SLC44A5: variants seen among roughly 807,000 people sequenced by gnomAD.
SLC44A5 encodes the protein choline transporter-like protein 5.
In SLC44A5, 57 loss-of-function variants were observed where a neutral mutation model predicts 101.8. The observed-to-expected ratio is 0.56, with a 90% confidence interval of 0.45 to 0.70. The LOEUF is 0.70. SLC44A5 is among the 30% of genes least tolerant of loss of function. SLC44A5 has a pLI of 0.00. For missense variants in SLC44A5, 737 were observed against 853.1 expected (o/e 0.86, Z 1.70); for synonymous variants, 281 against 290.9 (o/e 0.97, Z 0.35).
the SLC44A5 span, among the ~76,000 whole-genome samples, chr1:75,701,608 G>A: frequency 5.9e-5 from 9 of 152,310 alleles, no homozygotes; most frequent in African/African-American, 2.2e-4. Context: ...AGACAGGGAT[G>A]TCCTCTCTCA....
chr1:75,687,161 T>G, the SLC44A5 span, among the ~76,000 whole-genome samples: 1 of 152,116 alleles, frequency 6.6e-6, no homozygotes, highest in Non-Finnish European at 1.5e-5. Flanking sequence ...GTGCTAAATT[T>G]GACCTAGGTT....
At chr1:75,599,210 A>G (rs1674827397) in intron 1 of SLC44A5, among the ~76,000 whole-genome samples, 1 of 152,204 alleles carries the variant, frequency 6.6e-6, no homozygotes, top group Admixed American at 6.6e-5. Flanking sequence ...CATTGCTCAC[A>G]GCCTAGTAAT....
chr1:75,232,819 C>G (rs1022393194), intron 12 of SLC44A5, among the ~76,000 whole-genome samples: 1 of 152,106 alleles, frequency 6.6e-6, no homozygotes, highest in Non-Finnish European at 1.5e-5. Context: ...AACAAACTTC[C>G]AAAGTTACCC....
chr1:75,378,545 GA>G (rs1660766758), intron 3 of SLC44A5, among the ~76,000 whole-genome samples: 1 of 82,766 alleles, frequency 1.2e-5, no homozygotes, highest in Admixed American at 1.2e-4. Context: ...AGATTGTAAT[GA>G]AAAGACAAGG....
At chr1:75,623,777 A>G in the SLC44A5 span, among the ~76,000 whole-genome samples, 1 of 152,128 alleles carries the variant, frequency 6.6e-6, no homozygotes, top group Non-Finnish European at 1.5e-5. Context: ...AGCCCTATAA[A>G]CTAATGATAT....
chr1:75,424,862 G>A (rs929304440), intron 2 of SLC44A5, among the ~76,000 whole-genome samples: 14 of 152,062 alleles, frequency 9.2e-5, no homozygotes. Context: ...AGAATTTAGT[G>A]AGCCAACTGT....
intron 2 of SLC44A5, among the ~76,000 whole-genome samples, chr1:75,492,251 T>C (rs1668463785): frequency 6.6e-6 from 1 of 152,224 alleles, no homozygotes; most frequent in Non-Finnish European, 1.5e-5. Flanking sequence ...GGTCATTCTC[T>C]AGACTTTGTG....
At chr1:75,689,297 G>C in the SLC44A5 span, among the ~76,000 whole-genome samples, 1 of 144,058 alleles carries the variant, frequency 6.9e-6, no homozygotes, top group Non-Finnish European at 1.5e-5. Context: ...CTGGGAGAAA[G>C]GGGGTATCAG....
At chr1:75,442,583 C>A (rs1373189671) in intron 2 of SLC44A5, among the ~76,000 whole-genome samples, 1 of 152,104 alleles carries the variant, frequency 6.6e-6, no homozygotes, top group South Asian at 2.1e-4. Context: ...TTCAAGTCAG[C>A]CATTACAAAA....
the SLC44A5 span, chr1:75,677,904 C>T: frequency 3.9e-4 from 115 of 292,590 alleles, no homozygotes; most frequent in African/African-American, 1.3e-3. Context: ...AGTGGGTGCA[C>T]GCACCGTGCA....
chr1:75,249,387 A>G (rs1369315492), intron 7 of SLC44A5, among the ~76,000 whole-genome samples: 1 of 152,150 alleles, frequency 6.6e-6, no homozygotes, highest in Admixed American at 6.5e-5. Context: ...TGTTAAAATA[A>G]TATTTGTGAT....
chr1:75,570,855 A>T (rs1673037318), intron 1 of SLC44A5, among the ~76,000 whole-genome samples: 1 of 152,194 alleles, frequency 6.6e-6, no homozygotes, highest in Non-Finnish European at 1.5e-5. Flanking sequence ...TTAATGTGCT[A>T]ATTAAAGCCC....
the SLC44A5 span, among the ~76,000 whole-genome samples, chr1:75,694,732 T>A: frequency 1.5e-4 from 23 of 152,310 alleles, no homozygotes; most frequent in East Asian, 2.7e-3. Flanking sequence ...GAAATTGCAC[T>A]GTCTTTAAAG....
intron 2 of SLC44A5, among the ~76,000 whole-genome samples, chr1:75,459,774 A>C (rs1447157199): frequency 6.6e-6 from 1 of 152,222 alleles, no homozygotes; most frequent in Non-Finnish European, 1.5e-5. Context: ...GAATCTTTCA[A>C]ATGTTCAACC....
At chr1:75,218,889 CTGTTA>C (rs1410228613) in intron 16 of SLC44A5, 137 bp from the exon 17 acceptor site, 3 of 761,940 alleles carry the variant, frequency 3.9e-6, no homozygotes, top group Non-Finnish European at 6.2e-6. Context: ...CCTCTATTTT[CTGTTA>C]TATCACTTTA....
At chr1:75,692,833 G>T in the SLC44A5 span, among the ~76,000 whole-genome samples, 2 of 152,168 alleles carry the variant, frequency 1.3e-5, no homozygotes, top group African/African-American at 4.8e-5. Flanking sequence ...CCTCATGAGG[G>T]TTGGTCAATT....
chr1:75,434,619 T>C (rs531983480), intron 2 of SLC44A5, among the ~76,000 whole-genome samples: 52 of 152,274 alleles, frequency 3.4e-4, no homozygotes, highest in Middle Eastern at 3.4e-3. Context: ...AACTCCTTCA[T>C]GTGACACTCA....
chr1:75,562,612 C>T (rs561350993), intron 1 of SLC44A5, among the ~76,000 whole-genome samples: 9 of 152,062 alleles, frequency 5.9e-5, no homozygotes, highest in South Asian at 2.1e-4. Context: ...TGCTTAAGCC[C>T]GGAGATGGAG....
intron 1 of SLC44A5, among the ~76,000 whole-genome samples, chr1:75,608,693 T>A (rs1396440651): frequency 6.6e-6 from 1 of 151,928 alleles, no homozygotes; most frequent in Non-Finnish European, 1.5e-5. Context: ...TTTCTGTTAG[T>A]CAAACATACC....
Sources: gnomAD v4.1 joint callset for allele counts (sites outside exome capture counted in the v4.1 genomes callset) on GRCh38, gnomAD v4.1.1 for gene constraint, MANE v1.5 for transcripts, NCBI Gene and HGNC (gene_info 2026-07-23, HGNC 2026-07-21) for gene names.